Variants in C20orf96 observed in about 807,000 individuals in gnomAD.
The protein encoded by C20orf96 is uncharacterized protein C20orf96.
In C20orf96, 57 loss-of-function variants were observed where a neutral mutation model predicts 52.6. That is an observed-to-expected ratio of 1.08 (90% CI 0.88 to 1.35). The LOEUF is 1.35. Ranked by LOEUF, C20orf96 falls within the 40% of genes most tolerant of loss-of-function variation. C20orf96 has a pLI of 0.00. For synonymous variants in C20orf96, 168 were observed against 157.2 expected, an observed-to-expected ratio of 1.07 and a Z score of -0.51; for missense variants, 478 against 443.6, an observed-to-expected ratio of 1.08 and a Z score of -0.70.
Position 284,089 on chromosome 20 carries a change from T to C in C20orf96, c.188-8A>G. 3.1e-6 allele frequency: 5 copies of C among 1,609,182 alleles called. No homozygotes were observed. Among genetic ancestry groups the C allele is most frequent in the Non-Finnish European group, 4.3e-6 (5 of 1,175,780 alleles). On this transcript the variant is annotated splice_polypyrimidine_tract_variant and splice_region_variant and intron_variant, in intron 3 of 10. Transcript: ENST00000360321. ...TGGGCTTGAAGTGAAACACTAGGGG[T>C]AGACAGGAAAGGACAGGGAGAGAGT...
In C20orf96 at chr20:276,039, C is replaced by T. The variant is rs1281790748; in HGVS notation, c.960G>A (p.Val320=). The T allele has an allele frequency of 1.2e-6, 2 of 1,614,190 alleles. No homozygotes were observed. The highest frequency in any genetic ancestry group is 1.1e-5 in the South Asian group (1 of 91,084). ...EENMPVLRAE[V]EELQAQTREP... Reference sequence around the variant, plus strand: ...CCCGGGTCTGGGCTTGGAGCTCTTCCACCTCGGCCCTTAATACAGGCATGT... The same window carrying T: ...CCCGGGTCTGGGCTTGGAGCTCTTCTACCTCGGCCCTTAATACAGGCATGT... The change falls in exon 10 of 11, where the codon GTG becomes GTA. Residue 320 remains valine (V), a synonymous_variant. Coordinates refer to ENST00000360321, the MANE Select transcript of C20orf96 (RefSeq NM_153269.3).
Position 279,170 on chromosome 20 carries a change from A to T in C20orf96, c.465+2T>A. 1 of 1,579,402 alleles carries T rather than the reference A, an allele frequency of 6.3e-7. No individual in the cohort carries two copies. The highest frequency in any genetic ancestry group is 8.6e-7 in the Non-Finnish European group (1 of 1,167,748). On this transcript the variant is annotated splice_donor_variant, in intron 5 of 10. Transcript: ENST00000360321. LOFTEE classifies it high-confidence loss of function. ...AGGGCGGGCGGATGCCGCGGGTCTC[A>T]CCGCCAGGGTGTCCTGCTGCTGCAG...
intron 10 of C20orf96, among the ~76,000 whole-genome samples, chr20:272,229 C>T (rs2011864203): frequency 6.6e-6 from 1 of 152,022 alleles, no homozygotes; most frequent in Admixed American, 6.6e-5. Flanking sequence ...TCTATGCTGG[C>T]AACACCTAAA....
chr20:278,204 C>T, intron 6 of C20orf96, 126 bp downstream of exon 6: 1 of 756,818 alleles, frequency 1.3e-6, no homozygotes, highest in Non-Finnish European at 2.4e-6. Context: ...TTAGCATTCC[C>T]ATCTGCCAAG....
At chr20:281,010 G>A (rs2316438) in intron 4 of C20orf96, among the ~76,000 whole-genome samples, 37,855 of 151,832 alleles carry the variant, frequency 0.25, 5,804 homozygotes, top group East Asian at 0.37. Flanking sequence ...AACAAAATTC[G>A]CTGGGTGTGG....
intron 4 of C20orf96, among the ~76,000 whole-genome samples, chr20:283,640 A>G (rs1427074526): frequency 6.6e-6 from 1 of 152,060 alleles, no homozygotes; most frequent in Non-Finnish European, 1.5e-5. Flanking sequence ...AAGCCACTAG[A>G]TCGTGTTCCT....
intron 3 of C20orf96, among the ~76,000 whole-genome samples, chr20:285,142 CG>C (rs965119766): frequency 2.3e-4 from 35 of 152,290 alleles, no homozygotes; most frequent in African/African-American, 8.2e-4. Context: ...CAACACCAGA[CG>C]AAGGCACAGC....
At position 277,209 on chromosome 20, in the gene C20orf96, G is replaced by A. The variant is rs776727411; in HGVS notation, c.723+17C>T. On this transcript the variant is annotated intron_variant, in intron 7 of 10. Coordinates refer to ENST00000360321, the MANE Select transcript of C20orf96 (RefSeq NM_153269.3). ...CTCCCACACAGTCTGGTGGGAGAGGGGCAGGGGCTCCCCTACCTGCTGGCT... is the reference window on the plus strand; with the variant it reads ...CTCCCACACAGTCTGGTGGGAGAGGAGCAGGGGCTCCCCTACCTGCTGGCT... 5 of 1,613,952 alleles carry A rather than the reference G, an allele frequency of 3.1e-6. No homozygotes were observed. Among genetic ancestry groups the A allele is most frequent in the Non-Finnish European group, 4.2e-6 (5 of 1,179,980 alleles).
Position 276,849 on chromosome 20 carries a change from G to A in C20orf96, c.856C>T (p.Leu286=). Residue 286 remains leucine, a synonymous_variant, in exon 9 of 11, where the codon CTA becomes TTA. Transcript: ENST00000360321. ...ETQRPYEEAL[L]QKMWESQDFL... is the part of the protein sequence containing the mutation. ...TCCTGGCTTTCCCACATCTTCTGTAGGAGAGCCTCTTCATAGGGACGCTGG... is the reference window on the plus strand; with the variant it reads ...TCCTGGCTTTCCCACATCTTCTGTAAGAGAGCCTCTTCATAGGGACGCTGG... 1 of 1,613,934 alleles carries A rather than the reference G, an allele frequency of 6.2e-7. No homozygotes were observed.
rs150277837 is a variant in C20orf96, at chr20:278,630, G to A, written c.466-201C>T. On this transcript the variant is annotated intron_variant, in intron 5 of 10. Coordinates refer to ENST00000360321, the MANE Select transcript of C20orf96 (RefSeq NM_153269.3). ...ACATACAGATCGCTTGCTATTACAC[G>A]TAGAGGTGTTTGCAAATGCTGTTGG... Among the ~76,000 whole-genome samples the A allele has an allele frequency of 3.5e-3, 527 of 151,886 alleles. 4 individuals are homozygous for A. Among genetic ancestry groups the A allele is most frequent in the African/African-American group, 0.012 (510 of 41,416 alleles).
intron 4 of C20orf96, among the ~76,000 whole-genome samples, chr20:280,972 T>C (rs1253674540): frequency 1.3e-5 from 2 of 152,084 alleles, no homozygotes; most frequent in Non-Finnish European, 2.9e-5. Flanking sequence ...CTGGGCAACA[T>C]AGTGAGACCT....
chr20:280,541 G>C (rs1238297368), intron 4 of C20orf96, among the ~76,000 whole-genome samples: 1 of 152,264 alleles, frequency 6.6e-6, no homozygotes, highest in Admixed American at 6.5e-5. Flanking sequence ...TGGAGGCTCA[G>C]AGAGTTTAAT....
rs528224860 is a variant in C20orf96, at chr20:288,295, T to C, written c.187+1264A>G. On this transcript the variant is annotated intron_variant, in intron 3 of 10. Coordinates refer to ENST00000360321, the MANE Select transcript of C20orf96 (RefSeq NM_153269.3). ...CTTTCTGAAAAACCCATTGGGAATA[T>C]TGGTATGGATTTATTCCCTTTTCCT... Among the ~76,000 whole-genome samples, 5 of 151,558 alleles carry C rather than the reference T, an allele frequency of 3.3e-5. No individual in the cohort carries two copies. In the East Asian group the frequency reaches 5.9e-4, roughly 18 times the overall value.
chr20:273,422 C>T (rs908892910), intron 10 of C20orf96, among the ~76,000 whole-genome samples: 7 of 152,218 alleles, frequency 4.6e-5, no homozygotes, highest in Admixed American at 2.6e-4. Context: ...GCTCCCTTCC[C>T]GCCACTCTCC....
intron 9 of C20orf96, chr20:276,361 A>G (rs945786431): frequency 5.1e-6 from 5 of 985,366 alleles, no homozygotes; most frequent in Non-Finnish European, 6.0e-6. Context: ...ATGGGAATGA[A>G]TGGAGGCTGG....
chr20:289,720 C>A (rs1354150168), intron 2 of C20orf96, 44 bp from the exon 3 acceptor site: 1 of 1,445,742 alleles, frequency 6.9e-7, no homozygotes, highest in South Asian at 1.1e-5. Context: ...GAGTTTATAT[C>A]CCAGCTCTAC....
At chr20:282,344 G>A (rs2012274313) in intron 4 of C20orf96, among the ~76,000 whole-genome samples, 1 of 152,114 alleles carries the variant, frequency 6.6e-6, no homozygotes, top group Admixed American at 6.6e-5. Flanking sequence ...CAATAGAATG[G>A]AAGTCCCCTA....
chr20:270,955 GAAGAA>G lies in C20orf96; in HGVS notation c.*247_*251del. 5.9e-6 allele frequency: 3 copies of G among 505,920 alleles called. No individual in the cohort carries two copies. Among genetic ancestry groups the G allele is most frequent in the Non-Finnish European group, 1.0e-5 (3 of 288,304 alleles). The allele number at this position is 505,920 out of a possible 1,614,324, so 31.3% of individuals were successfully genotyped here. ...CCAGCAGCACCAACCAGAAAGAAGG[GAAGAA>G]GAGAGGAAAAAACCACAGGAAGAAA... On this transcript the variant is annotated 3_prime_UTR_variant, in exon 11 of 11. Transcript: ENST00000360321.
At chr20:277,452 G>A in intron 6 of C20orf96, 69 bp from the exon 7 acceptor site, 2 of 1,540,972 alleles carry the variant, frequency 1.3e-6, no homozygotes, top group Non-Finnish European at 1.8e-6. Flanking sequence ...TGGGCCCCAG[G>A]AGGCCCAGGA....
Sources: allele counts gnomAD v4.1 joint callset (sites outside exome capture counted in the v4.1 genomes callset), GRCh38; gene constraint gnomAD v4.1.1; transcripts MANE v1.5; gene names NCBI Gene and HGNC (gene_info 2026-07-23, HGNC 2026-07-21).